The following ZNF343 variants were observed in gnomAD, a reference collection of about 807,000 sequenced individuals.
ZNF343 encodes the protein zinc finger protein 343.
In ZNF343, 11 loss-of-function variants were observed where a neutral mutation model predicts 13.8. The observed-to-expected ratio is 0.80, with a 90% CI of 0.50 to 1.32. The LOEUF (loss-of-function observed/expected upper bound fraction) is 1.32. Ranked by LOEUF, ZNF343 falls within the 40% of genes most tolerant of loss-of-function variation. The pLI is 0.00. For synonymous variants in ZNF343, 248 were observed against 260.0 expected (o/e 0.95, Z 0.44); for missense variants, 658 against 714.2 (o/e 0.92, Z 0.90).
chr20:2,506,625 A>T (rs2085662095), intron 1 of ZNF343, among the ~76,000 whole-genome samples: 1 of 152,248 alleles, frequency 6.6e-6, no homozygotes, highest in African/African-American at 2.4e-5. Context: ...ATAAAAAATG[A>T]TGAGTTCATG....
chr20:2,515,002 CAAAA>C (rs34761814), intron 1 of ZNF343, among the ~76,000 whole-genome samples: 1 of 94,578 alleles, frequency 1.1e-5, no homozygotes, highest in African/African-American at 4.1e-5. Flanking sequence ...GACATTGTAT[CAAAA>C]AAAAAAAAGA....
chr20:2,508,381 A>G lies in ZNF343; in HGVS notation c.-237+500T>C, dbSNP rs560871470. On this transcript the variant is annotated intron_variant, in intron 1 of 5. Coordinates refer to ENST00000278772, the MANE Select transcript of ZNF343 (RefSeq NM_024325.6). This position sits in a 1 kb window ranked among gnomAD's most constrained non-coding sequence, Gnocchi z 4.5. ...CACCACTCGGGACATATCCAGCCCC[A>G]CCCAAAAAACAGAAAAACTCGGTGA... is the stretch of plus-strand genomic sequence containing the variant. Among the ~76,000 whole-genome samples, 6 of 150,322 alleles carry G rather than the reference A, an allele frequency of 4.0e-5. No individual in the cohort carries two copies. In the East Asian group the frequency reaches 1.2e-3, roughly 30 times the overall value.
rs1399324787 is a variant in ZNF343 at position 2,493,830 on chromosome 20, A to G, written c.66T>C (p.Asn22=). 1 of 1,613,878 alleles carries G rather than the reference A, an allele frequency of 6.2e-7. No homozygotes were observed. The highest frequency in any genetic ancestry group is 2.2e-5 in the East Asian group (1 of 44,864). The change falls in exon 3 of 6, where the codon AAT becomes AAC. Residue 22 remains asparagine (N), a synonymous_variant. Coordinates refer to ENST00000278772, the MANE Select transcript of ZNF343 (RefSeq NM_024325.6). ...TCTTCATAGTCTCTACATTTTCCCC[A>G]TTCTTTGGAAGCAAAATCTCTTCCC... ...QYWEEILLPK[N]GENVETMKKL...
chr20:2,522,554 G>T (rs1384832554), intron 1 of ZNF343, among the ~76,000 whole-genome samples: 2 of 152,210 alleles, frequency 1.3e-5, no homozygotes, highest in Non-Finnish European at 2.9e-5. Flanking sequence ...AACGTACTGT[G>T]TAGTTCACAA....
At chr20:2,513,557 G>A (rs763492621), upstream of ZNF343, among the ~76,000 whole-genome samples, 2 of 152,128 alleles carry the variant, frequency 1.3e-5, no homozygotes, top group East Asian at 3.9e-4. Flanking sequence ...CTATCTGTTG[G>A]GGAAATCCGT....
intron 1 of ZNF343, among the ~76,000 whole-genome samples, chr20:2,521,221 C>T (rs1391525510): frequency 2.0e-5 from 3 of 152,082 alleles, no homozygotes; most frequent in Admixed American, 6.5e-5. Flanking sequence ...TGGACTTACC[C>T]CCTGGGCAGA....
Position 2,483,206 on chromosome 20 carries a change from G to A in ZNF343, c.1755C>T (p.Gly585=), listed in dbSNP as rs6049412. The change falls in exon 6 of 6, where the codon GGC becomes GGT. Residue 585 remains glycine (G), a synonymous_variant. Transcript: ENST00000278772. ...KHYVCRECGR[G]FSHKSNLIRH... ...TGATGAGATTTGACTTATGACTAAAGCCTCGCCCACACTCCCTACAAACAT... is the reference window on the plus strand; with the variant it reads ...TGATGAGATTTGACTTATGACTAAAACCTCGCCCACACTCCCTACAAACAT... 8.4e-5 allele frequency: 136 copies of A among 1,611,608 alleles called. No individual in the cohort carries two copies. In the African/African-American group the frequency reaches 8.7e-4, roughly 10 times the overall value.
At chr20:2,519,406 G>A (rs1362724883) in intron 1 of ZNF343, among the ~76,000 whole-genome samples, 2 of 152,068 alleles carry the variant, frequency 1.3e-5, no homozygotes, top group East Asian at 1.9e-4. Flanking sequence ...TCTGGACTTC[G>A]CCTTCAGATT....
chr20:2,486,514 G>T (rs1409454784), intron 5 of ZNF343: 1 of 152,162 alleles, frequency 6.6e-6, no homozygotes, highest in Non-Finnish European at 1.5e-5. Context: ...AGTGGCTCAT[G>T]CCAGTACTCT....
upstream of ZNF343, among the ~76,000 whole-genome samples, chr20:2,510,804 A>G (rs951293204): frequency 6.6e-6 from 1 of 152,256 alleles, no homozygotes; most frequent in African/African-American, 2.4e-5. Context: ...ATGGGAGATC[A>G]GTCTCACATC....
At position 2,484,293 on chromosome 20, in the gene ZNF343, G is replaced by A. The variant is rs2122542503; in HGVS notation, c.668C>T (p.Pro223Leu). 2.5e-6 allele frequency: 4 copies of A among 1,614,218 alleles called. No homozygotes were observed. Among genetic ancestry groups the A allele is most frequent in the Non-Finnish European group, 3.4e-6 (4 of 1,180,036 alleles). The part of the protein sequence containing the change: ...TEPSSAQRPN[P>L]VQLDKGLKEL... The stretch of plus-strand genomic sequence containing the variant: ...CTTCAAGCCTTTGTCTAGCTGCACA[G>A]GGTTTGGTCTTTGGGCTGAGCTGGG... Residue 223 changes from proline (P) to leucine (L), a missense_variant, in exon 6 of 6, where the codon CCT becomes CTT. Physicochemically the swap from Pro to Leu is moderately conservative, Grantham distance 98. Transcript: ENST00000278772.
chr20:2,520,943 CT>C (rs1170128939), intron 1 of ZNF343, among the ~76,000 whole-genome samples: 1 of 152,124 alleles, frequency 6.6e-6, no homozygotes, highest in Non-Finnish European at 1.5e-5. Context: ...GACTTAGCTT[CT>C]TGGGGGAGAT....
chr20:2,503,568 T>C (rs1052487302), intron 1 of ZNF343, among the ~76,000 whole-genome samples: 1 of 152,104 alleles, frequency 6.6e-6, no homozygotes, highest in Admixed American at 6.6e-5. Context: ...AGTAAAGCAC[T>C]CCTCAGCAAA....
chr20:2,517,388 A>G (rs1236391456), intron 1 of ZNF343, among the ~76,000 whole-genome samples: 1 of 110,580 alleles, frequency 9.0e-6, no homozygotes, highest in Non-Finnish European at 1.8e-5. Context: ...ACACACATAT[A>G]TAGCTGATGT....
chr20:2,489,264 G>A (rs993377349), intron 5 of ZNF343, among the ~76,000 whole-genome samples: 1 of 152,158 alleles, frequency 6.6e-6, no homozygotes, highest in Non-Finnish European at 1.5e-5. Context: ...ATGCAAGCTG[G>A]TAATGTGTTA....
chr20:2,511,192 C>T (rs1052613703), upstream of ZNF343, among the ~76,000 whole-genome samples: 5 of 151,704 alleles, frequency 3.3e-5, no homozygotes, highest in Non-Finnish European at 5.9e-5. Flanking sequence ...GCTCATGTAG[C>T]CTCAACCTCC....
chr20:2,511,912 ATT>A (rs1406081545), upstream of ZNF343, among the ~76,000 whole-genome samples: 1 of 152,244 alleles, frequency 6.6e-6, no homozygotes, highest in African/African-American at 2.4e-5. Flanking sequence ...TGGAAGGTCT[ATT>A]TATAGCAATT....
In ZNF343 at chr20:2,483,703, G is replaced by T. The variant is rs752031982; in HGVS notation, c.1258C>A (p.Gln420Lys). The change falls in exon 6 of 6, where the codon CAG (glutamine) becomes AAG (lysine). Residue 420 changes from glutamine (Q) to lysine (K), a missense_variant. By Grantham distance (53) the Gln-to-Lys change is moderately conservative. Transcript: ENST00000278772. ...VCRECGRGFSQNSDLIKHQRT... is the reference protein window; with the variant it reads ...VCRECGRGFSKNSDLIKHQRT... ...TGGTGTTTGATGAGATCTGAGTTCT[G>T]GCTAAAGCCTCGCCCACACTCCCTG... is the stretch of plus-strand genomic sequence containing the variant. The T allele has an allele frequency of 3.1e-6, 5 of 1,605,544 alleles. No homozygotes were observed. The highest frequency in any genetic ancestry group is 4.2e-6 in the Non-Finnish European group (5 of 1,177,042).
chr20:2,519,521 G>A (rs2085773811), intron 1 of ZNF343, among the ~76,000 whole-genome samples: 1 of 152,166 alleles, frequency 6.6e-6, no homozygotes, highest in Non-Finnish European at 1.5e-5. Flanking sequence ...GCTCCCCTGG[G>A]GCTCCAGCCT....
Sources: gnomAD v4.1 joint callset for allele counts (sites outside exome capture counted in the v4.1 genomes callset) on GRCh38, gnomAD v4.1.1 for gene constraint, Gnocchi (gnomAD v3.1) non-coding constraint, MANE v1.5 for transcripts, NCBI Gene and HGNC (gene_info 2026-07-23, HGNC 2026-07-21) for gene names.